ENTREP2: variants seen among roughly 807,000 people sequenced by gnomAD.
The protein encoded by ENTREP2 is protein ENTREP2.
chr15:29,649,947 G>A, the ENTREP2 span, among the ~76,000 whole-genome samples: 1 of 151,934 alleles, frequency 6.6e-6, no homozygotes, highest in Non-Finnish European at 1.5e-5. Context: ...TTGGTAACTA[G>A]AGATGTGAAA....
the ENTREP2 span, among the ~76,000 whole-genome samples, chr15:29,554,832 G>C: frequency 1.2e-3 from 177 of 152,226 alleles, 1 homozygote; most frequent in African/African-American, 4.0e-3. Flanking sequence ...CCATCTAAAA[G>C]GCATGGACCT....
chr15:29,538,543 C>T, the ENTREP2 span, among the ~76,000 whole-genome samples: 1 of 151,296 alleles, frequency 6.6e-6, no homozygotes, highest in Non-Finnish European at 1.5e-5. Context: ...GCTTGTAATC[C>T]CAGCACTTTG....
the ENTREP2 span, among the ~76,000 whole-genome samples, chr15:29,580,594 GT>G: frequency 6.6e-6 from 1 of 152,182 alleles, no homozygotes; most frequent in Admixed American, 6.5e-5. Context: ...AGAAGATGAA[GT>G]TATATTAGAA....
chr15:29,524,691 C>T, the ENTREP2 span, among the ~76,000 whole-genome samples: 1 of 152,220 alleles, frequency 6.6e-6, no homozygotes, highest in East Asian at 1.9e-4. Flanking sequence ...CTCGCTGGAT[C>T]AGGAGCACAG....
chr15:29,550,928 A>G, the ENTREP2 span, among the ~76,000 whole-genome samples: 1 of 152,184 alleles, frequency 6.6e-6, no homozygotes, highest in Non-Finnish European at 1.5e-5. Context: ...ATCTGCCCAC[A>G]GTCACACAGC....
the ENTREP2 span, among the ~76,000 whole-genome samples, chr15:29,319,484 G>A: frequency 6.6e-6 from 1 of 152,214 alleles, no homozygotes; most frequent in Non-Finnish European, 1.5e-5. Flanking sequence ...CTGGACTAGG[G>A]AAGCGGAGAT....
chr15:29,523,088 C>T, the ENTREP2 span, among the ~76,000 whole-genome samples: 5 of 152,190 alleles, frequency 3.3e-5, no homozygotes, highest in South Asian at 2.1e-4. Flanking sequence ...CTCTCATCTC[C>T]GACTGACCTT....
At chr15:29,564,752 G>A in the ENTREP2 span, among the ~76,000 whole-genome samples, 2 of 152,124 alleles carry the variant, frequency 1.3e-5, no homozygotes, top group African/African-American at 2.4e-5. Flanking sequence ...AGGCCACTGC[G>A]GCTCTTCTCC....
the ENTREP2 span, among the ~76,000 whole-genome samples, chr15:29,545,477 T>G: frequency 6.2e-4 from 95 of 152,368 alleles, 1 homozygote; most frequent in Middle Eastern, 6.8e-3. Flanking sequence ...TTTTGTGATC[T>G]TGAGTAAAAC....
the ENTREP2 span, chr15:29,267,382 CTTCTAG>C: frequency 6.6e-6 from 1 of 152,172 alleles, no homozygotes; most frequent in East Asian, 1.9e-4. Context: ...ACTATGAACT[CTTCTAG>C]TTCATTTAGT....
At chr15:29,505,011 A>G in the ENTREP2 span, among the ~76,000 whole-genome samples, 1 of 152,282 alleles carries the variant, frequency 6.6e-6, no homozygotes, top group Non-Finnish European at 1.5e-5. This position sits in a 1 kb window ranked among gnomAD's most constrained non-coding sequence, Gnocchi z 4.3. Flanking sequence ...AGATGACAAG[A>G]GAAAAAGGAG....
At chr15:29,508,393 A>T in the ENTREP2 span, among the ~76,000 whole-genome samples, 1 of 152,214 alleles carries the variant, frequency 6.6e-6, no homozygotes, top group African/African-American at 2.4e-5. Flanking sequence ...TCCCTAACTC[A>T]TTTTATGAGG....
At chr15:29,339,774 A>G in the ENTREP2 span, among the ~76,000 whole-genome samples, 1 of 152,232 alleles carries the variant, frequency 6.6e-6, no homozygotes, top group Non-Finnish European at 1.5e-5. Flanking sequence ...TCACTCATTA[A>G]CATATGAAAA....
the ENTREP2 span, among the ~76,000 whole-genome samples, chr15:29,397,886 G>C: frequency 6.6e-6 from 1 of 151,962 alleles, no homozygotes; most frequent in Non-Finnish European, 1.5e-5. Flanking sequence ...CAAAAATAAG[G>C]AACAGACCAG....
At chr15:29,222,479 G>A in the ENTREP2 span, among the ~76,000 whole-genome samples, 2 of 151,908 alleles carry the variant, frequency 1.3e-5, no homozygotes, top group African/African-American at 2.4e-5. Context: ...TCTTTCTTGC[G>A]CAAGATCCAA....
chr15:29,427,179 G>A, the ENTREP2 span, among the ~76,000 whole-genome samples: 1 of 152,098 alleles, frequency 6.6e-6, no homozygotes, highest in Non-Finnish European at 1.5e-5. Context: ...ATTAATTGCT[G>A]TTGTTATTTT....
chr15:29,514,606 T>G, the ENTREP2 span, among the ~76,000 whole-genome samples: 4,799 of 152,276 alleles, frequency 0.032, 240 homozygotes, highest in African/African-American at 0.11. Flanking sequence ...GCCTTTCCTT[T>G]CCTCTGCAGC....
chr15:29,131,738 C>G, the ENTREP2 span, among the ~76,000 whole-genome samples: 1 of 133,982 alleles, frequency 7.5e-6, no homozygotes, highest in Non-Finnish European at 1.6e-5. Flanking sequence ...TGTGAGAGTG[C>G]GAGAGTGCCA....
At chr15:29,144,715 G>A in the ENTREP2 span, among the ~76,000 whole-genome samples, 1 of 151,994 alleles carries the variant, frequency 6.6e-6, no homozygotes, top group Non-Finnish European at 1.5e-5. Context: ...GGGGGACAGA[G>A]TGAGACCTTG....
Sources: allele counts gnomAD v4.1 joint callset (sites outside exome capture counted in the v4.1 genomes callset), GRCh38; gene constraint gnomAD v4.1.1; non-coding constraint Gnocchi (gnomAD v3.1); transcripts MANE v1.5; gene names NCBI Gene and HGNC (gene_info 2026-07-23, HGNC 2026-07-21).